Variants in SDK1 observed in about 807,000 individuals in gnomAD.
The protein encoded by SDK1 is protein sidekick-1.
A neutral mutation model predicts 245.5 loss-of-function variants in SDK1; 157 were observed. The observed-to-expected ratio is 0.64, with a 90% CI of 0.56 to 0.73. SDK1 has a LOEUF of 0.73. Among genes scored for constraint, SDK1 ranks in the 30% least tolerant of loss-of-function variants. The pLI is 0.00. For synonymous variants in SDK1, 1,647 were observed against 1,278.5 expected (o/e 1.29, Z -6.15); for missense variants, 3,583 against 3,002.3 (o/e 1.19, Z -4.52).
At chr7:3,968,195 T>A (rs1414012684) in intron 10 of SDK1, among the ~76,000 whole-genome samples, 1 of 152,174 alleles carries the variant, frequency 6.6e-6, no homozygotes, top group Non-Finnish European at 1.5e-5. Flanking sequence ...CAGGGCCACA[T>A]CGTTCCGTGC....
At chr7:4,174,114 C>A in intron 32 of SDK1, 108 bp from the exon 33 acceptor site, 3 of 1,271,024 alleles carry the variant, frequency 2.4e-6, no homozygotes, top group Admixed American at 1.9e-5. Flanking sequence ...GAACCCACGA[C>A]TTTCTTCTGT....
chr7:4,130,057 C>T lies in SDK1; in HGVS notation c.4089C>T (p.Val1363=). 2.5e-6 allele frequency: 4 copies of T among 1,611,452 alleles called. No individual in the cohort carries two copies. The highest frequency in any genetic ancestry group is 3.4e-6 in the Non-Finnish European group (4 of 1,178,576). The stretch of plus-strand genomic sequence containing the variant: ...CGTTCACCCGCATCGGGAACGGGGT[C>T]CCCAGCACGCCCCTCATCCTGGAGC... ...VLAFTRIGNG[V]PSTPLILERT... Residue 1363 remains valine, a synonymous_variant, in exon 27 of 45, where the codon GTC becomes GTT. Coordinates refer to ENST00000404826, the MANE Select transcript of SDK1 (RefSeq NM_152744.4).
At position 3,974,513 on chromosome 7, in the gene SDK1, G is replaced by A; in HGVS notation, c.1962G>A (p.Gly654=). ...GCTGCGAGATTGTTTCTGAAGGAGG[G>A]AATGACTCCAGGATGGCCCGGCTGG... ...DYSCEIVSEG[G]NDSRMARLEV... is the part of the protein sequence containing the mutation. The change falls in exon 13 of 45, where the codon GGG becomes GGA. Residue 654 remains glycine, a synonymous_variant. Transcript: ENST00000404826. 1 of 1,614,130 alleles carries A rather than the reference G, an allele frequency of 6.2e-7. No homozygotes were observed. The highest frequency in any genetic ancestry group is 1.6e-4 in the Middle Eastern group (1 of 6,062).
chr7:4,258,274 T>C (rs565885638), intron 44 of SDK1, among the ~76,000 whole-genome samples: 14 of 152,264 alleles, frequency 9.2e-5, no homozygotes, highest in Middle Eastern at 6.8e-3. Flanking sequence ...CAGCAGTCCC[T>C]TCCGAACCAC....
At chr7:3,516,758 A>G (rs1009034257) in intron 1 of SDK1, among the ~76,000 whole-genome samples, 5 of 152,206 alleles carry the variant, frequency 3.3e-5, no homozygotes, top group African/African-American at 1.2e-4. Context: ...CAACAGTTTG[A>G]AAGATACTGA....
chr7:4,102,830 A>C (rs1299563788), intron 22 of SDK1, among the ~76,000 whole-genome samples: 2 of 152,084 alleles, frequency 1.3e-5, no homozygotes, highest in Non-Finnish European at 2.9e-5. Context: ...CGTGGGTATA[A>C]CAGACAGACA....
chr7:3,391,270 A>G (rs192034436), intron 1 of SDK1, among the ~76,000 whole-genome samples: 2 of 152,250 alleles, frequency 1.3e-5, no homozygotes, highest in East Asian at 3.9e-4. Flanking sequence ...ATAGAAGTCA[A>G]CTCTTAAAAA....
chr7:3,612,016 A>G (rs1315724002), intron 1 of SDK1, among the ~76,000 whole-genome samples: 1 of 152,162 alleles, frequency 6.6e-6, no homozygotes, highest in Non-Finnish European at 1.5e-5. Context: ...CAAACATTGT[A>G]TCTTCTCACT....
chr7:3,647,017 G>A (rs1164908099), intron 4 of SDK1, among the ~76,000 whole-genome samples: 3 of 152,198 alleles, frequency 2.0e-5, no homozygotes, highest in African/African-American at 7.2e-5. Context: ...ATGTGCTGAA[G>A]ATGGATGATG....
chr7:3,377,360 C>T (rs150585543), intron 1 of SDK1, among the ~76,000 whole-genome samples: 1,909 of 152,254 alleles, frequency 0.013, 18 homozygotes, highest in Middle Eastern at 0.034. Context: ...CAGGTTTTCT[C>T]TGTAGTTGTG....
intron 22 of SDK1, among the ~76,000 whole-genome samples, chr7:4,087,555 T>C (rs1781505554): frequency 6.6e-6 from 1 of 152,144 alleles, no homozygotes; most frequent in African/African-American, 2.4e-5. Context: ...TCTGATGGTG[T>C]TGAATCTTTC....
At chr7:3,634,000 G>C (rs896585465) in intron 2 of SDK1, among the ~76,000 whole-genome samples, 10 of 152,088 alleles carry the variant, frequency 6.6e-5, no homozygotes, top group African/African-American at 2.4e-4. Flanking sequence ...CACCGCTGCT[G>C]TCAGATGAGT....
chr7:3,589,693 G>C (rs140332803), intron 1 of SDK1, among the ~76,000 whole-genome samples: 1 of 152,162 alleles, frequency 6.6e-6, no homozygotes, highest in Non-Finnish European at 1.5e-5. Flanking sequence ...AAAACCATCA[G>C]ATCTTTGAGG....
chr7:3,878,316 C>G (rs1781122724), intron 5 of SDK1, among the ~76,000 whole-genome samples: 1 of 152,110 alleles, frequency 6.6e-6, no homozygotes, highest in African/African-American at 2.4e-5. Context: ...GTCAGCAGAT[C>G]AAGACCATCC....
chr7:4,203,916 G>A (rs1400241397), intron 35 of SDK1, among the ~76,000 whole-genome samples: 1 of 152,262 alleles, frequency 6.6e-6, no homozygotes, highest in East Asian at 1.9e-4. Context: ...TCAGCTGCCT[G>A]AGACAGGGTC....
intron 14 of SDK1, among the ~76,000 whole-genome samples, chr7:3,994,883 T>C (rs1784586804): frequency 6.6e-6 from 1 of 152,108 alleles, no homozygotes; most frequent in Admixed American, 6.5e-5. Context: ...GCGAGCTCAG[T>C]AGTACAGGAA....
intron 4 of SDK1, among the ~76,000 whole-genome samples, chr7:3,679,439 C>T (rs1365986721): frequency 2.6e-5 from 4 of 152,104 alleles, no homozygotes; most frequent in Admixed American, 6.5e-5. Context: ...CGGTGGCGGG[C>T]GCCTGTAGTC....
chr7:3,563,879 T>A (rs1779824871), intron 1 of SDK1, among the ~76,000 whole-genome samples: 1 of 151,986 alleles, frequency 6.6e-6, no homozygotes, highest in African/African-American at 2.4e-5. Context: ...AATAAGAAAT[T>A]ACTAATAAAA....
chr7:3,511,976 T>C (rs1782595708), intron 1 of SDK1, among the ~76,000 whole-genome samples: 2 of 151,338 alleles, frequency 1.3e-5, no homozygotes, highest in Admixed American at 1.3e-4. Context: ...CAGGATCACC[T>C]GAAGTCCATA....
Sources: gnomAD v4.1 joint callset for allele counts (sites outside exome capture counted in the v4.1 genomes callset) on GRCh38, gnomAD v4.1.1 for gene constraint, MANE v1.5 for transcripts, NCBI Gene and HGNC (gene_info 2026-07-23, HGNC 2026-07-21) for gene names.